The following DARS1 variants were observed in gnomAD, a reference collection of about 807,000 sequenced individuals.
DARS1 encodes the protein aspartyl-tRNA synthetase 1, also known as aspartate--tRNA ligase, cytoplasmic.
Under a neutral mutation model 68.8 loss-of-function variants are expected in DARS1, and 51 were observed. The observed-to-expected ratio is 0.74, with a 90% CI of 0.59 to 0.94. DARS1 has a LOEUF of 0.94. Among genes scored for constraint, DARS1 ranks in the 40% least tolerant of loss-of-function variants. The probability of loss-of-function intolerance (pLI) is 0.00; values close to 1 mark genes in which losing one functional copy is unlikely to be tolerated. For synonymous variants in DARS1, 203 were observed against 190.4 expected (o/e 1.07, Z -0.55); for missense variants, 607 against 597.3 (o/e 1.02, Z -0.17).
At chr2:135,966,653 T>C (rs1003118271) in intron 3 of DARS1, among the ~76,000 whole-genome samples, 5 of 152,150 alleles carry the variant, frequency 3.3e-5, no homozygotes, top group Non-Finnish European at 7.3e-5. Flanking sequence ...TGCCTCAGTC[T>C]CTCGAGTAGC....
At chr2:135,945,450 C>T (rs1273206010) in intron 4 of DARS1, among the ~76,000 whole-genome samples, 1 of 152,104 alleles carries the variant, frequency 6.6e-6, no homozygotes, top group Non-Finnish European at 1.5e-5. Flanking sequence ...CTTTTAAGGA[C>T]TGAGCGTCAT....
At chr2:135,942,417 C>T (rs895267653) in intron 5 of DARS1, among the ~76,000 whole-genome samples, 13 of 148,706 alleles carry the variant, frequency 8.7e-5, no homozygotes, top group African/African-American at 3.0e-4. Context: ...GAAAACCAAA[C>T]ACCGCATGTT....
intron 4 of DARS1, among the ~76,000 whole-genome samples, chr2:135,956,057 T>C (rs1681967892): frequency 6.6e-6 from 1 of 152,228 alleles, no homozygotes; most frequent in South Asian, 2.1e-4. Context: ...CAGACTTTTA[T>C]ATTTCTCACG....
Position 135,906,942 on chromosome 2 carries a change from T to G in DARS1, c.*374A>C, listed in dbSNP as rs1452077269. The stretch of plus-strand genomic sequence containing the variant: ...TACTGAAAATCTAAGACATTAACAC[T>G]GGGGCCCTTGTAATATAGAAAAGAA... On this transcript the variant is annotated 3_prime_UTR_variant, in exon 16 of 16. Coordinates refer to ENST00000264161, the MANE Select transcript of DARS1 (RefSeq NM_001349.4). 6.5e-6 allele frequency: 1 copy of G among 153,908 alleles called. No individual in the cohort carries two copies. Among genetic ancestry groups the G allele is most frequent in the African/African-American group, 2.4e-5 (1 of 41,498 alleles). 9.5% of individuals were successfully genotyped at this position (153,908 alleles called of 1,614,324 possible). A position where few individuals can be genotyped will look rare whatever the true frequency, so the allele number is the denominator to read the frequency against.
intron 7 of DARS1, among the ~76,000 whole-genome samples, chr2:135,928,828 G>A (rs186203396): frequency 7.9e-5 from 12 of 151,798 alleles, no homozygotes; most frequent in Non-Finnish European, 1.3e-4. Context: ...AAGTAAAGAC[G>A]GGGTTTCACC....
intron 8 of DARS1, 90 bp from the exon 9 acceptor site, chr2:135,923,008 A>T (rs750341423): frequency 2.3e-4 from 288 of 1,266,526 alleles, no homozygotes; most frequent in Non-Finnish European, 2.8e-4. Flanking sequence ...TACTCAGGTA[A>T]CTCACTTTAA....
chr2:135,917,688 A>G (rs1681035333), intron 10 of DARS1, among the ~76,000 whole-genome samples: 1 of 152,062 alleles, frequency 6.6e-6, no homozygotes, highest in African/African-American at 2.4e-5. Context: ...CATGTTGCCC[A>G]GGCTGGTCTT....
intron 5 of DARS1, 163 bp downstream of exon 5, chr2:135,943,215 G>C (rs1681645560): frequency 6.0e-6 from 6 of 1,002,764 alleles, no homozygotes; most frequent in Non-Finnish European, 1.4e-6. Flanking sequence ...AAGTCACTAA[G>C]TACTGGGGTG....
chr2:135,979,304 G>A lies in DARS1; in HGVS notation c.187C>T (p.Arg63Cys), dbSNP rs1430540191. The change falls in exon 3 of 16, where the codon CGT becomes TGT. Residue 63 changes from arginine to cysteine, a missense_variant. Transcript: ENST00000264161. ...GCTCTGCTTGTATGAACTCTTGCAC[G>A]TACCCAAACAACTTCATCAGCTTTT... The part of the protein sequence containing the change: ...IQKADEVVWV[R>C]ARVHTSRAKG... 6.7e-7 allele frequency: 1 copy of A among 1,498,084 alleles called. No individual in the cohort carries two copies. The highest frequency in any genetic ancestry group is 9.3e-7 in the Non-Finnish European group (1 of 1,074,092). 92.8% of individuals were successfully genotyped at this position (1,498,084 alleles called of 1,614,324 possible). A position where few individuals can be genotyped will look rare whatever the true frequency, so the allele number is the denominator to read the frequency against.
chr2:135,974,200 G>A (rs891865606), intron 3 of DARS1, among the ~76,000 whole-genome samples: 2 of 152,192 alleles, frequency 1.3e-5, no homozygotes, highest in Non-Finnish European at 2.9e-5. Flanking sequence ...GACTTTAATT[G>A]GGAATGTGTG....
At chr2:135,952,470 C>A (rs1284894970) in intron 4 of DARS1, among the ~76,000 whole-genome samples, 1 of 152,114 alleles carries the variant, frequency 6.6e-6, no homozygotes, top group Non-Finnish European at 1.5e-5. Flanking sequence ...ATATTGTTAA[C>A]CATAGTTACC....
At chr2:135,949,426 A>C (rs1350701755) in intron 4 of DARS1, among the ~76,000 whole-genome samples, 2 of 152,168 alleles carry the variant, frequency 1.3e-5, no homozygotes, top group Non-Finnish European at 2.9e-5. Context: ...CATACAAAAA[A>C]ATTTTTTTTA....
chr2:135,911,144 C>T lies in DARS1; in HGVS notation c.1409G>A (p.Gly470Asp), dbSNP rs757872233. 2 of 1,379,708 alleles carry T rather than the reference C, an allele frequency of 1.4e-6. No homozygotes were observed. Among genetic ancestry groups the T allele is most frequent in the South Asian group, 1.2e-5 (1 of 86,148 alleles). 85.5% of individuals were successfully genotyped at this position (1,379,708 alleles called of 1,614,324 possible). ...RFGAPPHAGG[G>D]IGLERVTMLF... is the part of the protein sequence containing the mutation. ...AAGCAATAACAGAATATTACCAATGCCTCCACCAGCATGAGGAGGGGCTCC... is the reference window on the plus strand; with the variant it reads ...AAGCAATAACAGAATATTACCAATGTCTCCACCAGCATGAGGAGGGGCTCC... Residue 470 changes from glycine (G) to aspartate (D), a missense_variant, in exon 15 of 16, where the codon GGC becomes GAC. Coordinates refer to ENST00000264161, the MANE Select transcript of DARS1 (RefSeq NM_001349.4).
chr2:135,983,343 T>C (rs1225569991), intron 2 of DARS1, 54 bp downstream of exon 2: 4 of 792,996 alleles, frequency 5.0e-6, no homozygotes, highest in African/African-American at 1.7e-5. Flanking sequence ...CATTTAGAGC[T>C]TTCCTGGAAT....
chr2:135,940,324 C>G (rs1681567883), intron 5 of DARS1, among the ~76,000 whole-genome samples: 1 of 152,210 alleles, frequency 6.6e-6, no homozygotes, highest in Non-Finnish European at 1.5e-5. Flanking sequence ...ATTAAGCTGG[C>G]TTTATCCCTG....
At chr2:135,921,037 T>G (rs1681101194) in intron 9 of DARS1, among the ~76,000 whole-genome samples, 2 of 151,154 alleles carry the variant, frequency 1.3e-5, no homozygotes, top group African/African-American at 4.8e-5. Flanking sequence ...ATGTGAAAGA[T>G]GAGTCGAGCT....
rs962386199 is a variant in DARS1, at chr2:135,934,942, G to A, written c.424-952C>T. Among the ~76,000 whole-genome samples the A allele has an allele frequency of 4.6e-4, 69 of 151,558 alleles. 1 individual carries two copies. Among genetic ancestry groups the A allele is most frequent in the Admixed American group, 4.3e-3 (65 of 15,234 alleles). ...CCTGAGTAGCTGGGACTACAGGCACGTGCCACACCAGCTAATTTTTGTATT... is the reference window on the plus strand; with the variant it reads ...CCTGAGTAGCTGGGACTACAGGCACATGCCACACCAGCTAATTTTTGTATT... On this transcript the variant is annotated intron_variant, in intron 5 of 15. Transcript: ENST00000264161.
At chr2:135,925,942 G>C (rs537667343) in intron 7 of DARS1, among the ~76,000 whole-genome samples, 11 of 152,270 alleles carry the variant, frequency 7.2e-5, no homozygotes, top group Middle Eastern at 6.8e-3. Flanking sequence ...TTGCCTCTTA[G>C]CTAGTTCAAC....
chr2:135,933,159 C>T (rs565866869), intron 6 of DARS1, among the ~76,000 whole-genome samples: 1 of 152,320 alleles, frequency 6.6e-6, no homozygotes, highest in South Asian at 2.1e-4. Context: ...CTGGATTTAA[C>T]CTGCTAGCCC....
Sources: allele counts gnomAD v4.1 joint callset (sites outside exome capture counted in the v4.1 genomes callset), GRCh38; gene constraint gnomAD v4.1.1; transcripts MANE v1.5; gene names NCBI Gene and HGNC (gene_info 2026-07-23, HGNC 2026-07-21).